The following MYCBP2 variants were observed in gnomAD, a reference collection of about 807,000 sequenced individuals.
MYCBP2 encodes E3 ubiquitin-protein ligase MYCBP2.
A neutral mutation model predicts 525.3 loss-of-function variants in MYCBP2; 120 were observed. That is an observed-to-expected ratio of 0.23 (90% CI 0.20 to 0.27). The LOEUF (loss-of-function observed/expected upper bound fraction) is 0.27, where lower values mean the gene tolerates loss of function less well. Among genes scored for constraint, MYCBP2 ranks in the 10% least tolerant of loss-of-function variants. The probability of loss-of-function intolerance (pLI) is 1.00; values close to 1 mark genes in which losing one functional copy is unlikely to be tolerated. For synonymous variants in MYCBP2, 1,894 were observed against 1,955.8 expected (o/e 0.97, Z 0.83); for missense variants, 4,149 against 5,657.1 (o/e 0.73, Z 8.55).
intron 23 of MYCBP2, among the ~76,000 whole-genome samples, chr13:77,210,763 T>C (rs142123450): frequency 2.4e-3 from 363 of 152,332 alleles, no homozygotes; most frequent in Admixed American, 5.0e-3. Context: ...ACAGGATTGA[T>C]GACAGACTAA....
chr13:77,236,167 A>T (rs1838996698), intron 17 of MYCBP2, among the ~76,000 whole-genome samples: 1 of 152,252 alleles, frequency 6.6e-6, no homozygotes. Context: ...CTAAGGAAAC[A>T]GTAAGATTCT....
At chr13:77,290,727 G>A (rs926601640) in intron 2 of MYCBP2, among the ~76,000 whole-genome samples, 1 of 152,210 alleles carries the variant, frequency 6.6e-6, no homozygotes, top group Non-Finnish European at 1.5e-5. Context: ...GAAGATACCT[G>A]TGGCTATAAA....
Position 77,140,141 on chromosome 13 carries a change from T to C in MYCBP2, c.7424A>G (p.Asp2475Gly), listed in dbSNP as rs775799293. 2.5e-6 allele frequency: 4 copies of C among 1,604,088 alleles called. No homozygotes were observed. In the South Asian group the frequency reaches 4.5e-5, roughly 18 times the overall value. The change falls in exon 51 of 83, where the codon GAC becomes GGC. Residue 2475 changes from aspartate (D) to glycine (G), a missense_variant. This residue lies in a region of MYCBP2 where 692 missense variants were observed against 852.7 expected (regional missense o/e 0.81). Coordinates refer to ENST00000544440, the MANE Select transcript of MYCBP2 (RefSeq NM_015057.5). ...PNKVRKFVAK[D>G]SAGLRIRSHP... Reference sequence around the variant, plus strand: ...GCTACGGATGCGAAGCCCCGCACTGTCCTTGGCCACAAATTTTCGAACCTG... The same window carrying C: ...GCTACGGATGCGAAGCCCCGCACTGCCCTTGGCCACAAATTTTCGAACCTG...
intron 17 of MYCBP2, 28 bp downstream of exon 17, chr13:77,243,031 G>A (rs750369925): frequency 3.2e-5 from 51 of 1,590,750 alleles, no homozygotes; most frequent in Non-Finnish European, 4.2e-5. Context: ...GGATTTTCAT[G>A]TACTTTTTCT....
intron 1 of MYCBP2, among the ~76,000 whole-genome samples, chr13:77,324,660 G>A (rs1305142071): frequency 6.6e-6 from 1 of 152,016 alleles, no homozygotes; most frequent in Non-Finnish European, 1.5e-5. Flanking sequence ...TTTCATTGAC[G>A]GCTTGTACAA....
At chr13:77,262,461 C>T (rs2073460699) in intron 10 of MYCBP2, among the ~76,000 whole-genome samples, 1 of 151,824 alleles carries the variant, frequency 6.6e-6, no homozygotes, top group Admixed American at 6.6e-5. Flanking sequence ...TATTAGGTAC[C>T]AGGCATTATA....
intron 3 of MYCBP2, among the ~76,000 whole-genome samples, chr13:77,287,326 A>G (rs528746444): frequency 1.5e-3 from 230 of 151,942 alleles, no homozygotes; most frequent in African/African-American, 5.3e-3. Context: ...CTGGGATTAT[A>G]GGCGACTGCC....
At chr13:77,123,660 C>T (rs73239488) in intron 54 of MYCBP2, among the ~76,000 whole-genome samples, 3,381 of 152,246 alleles carry the variant, frequency 0.022, 59 homozygotes, top group Middle Eastern at 0.075. Context: ...TAAAAAGTTG[C>T]ACAGCTGGGA....
At position 77,068,713 on chromosome 13, in the gene MYCBP2, G is replaced by A; in HGVS notation, c.12023C>T (p.Ser4008Phe). 6.2e-7 allele frequency: 1 copy of A among 1,614,206 alleles called. No individual in the cohort carries two copies. The highest frequency in any genetic ancestry group is 8.5e-7 in the Non-Finnish European group (1 of 1,180,036). ...ANSQPNDEDA[S>F]SDAYCFELLS... ...CAGCTCAAAGCAGTAGGCATCAGAGGAGGCATCTTCATCATTTGGCTGAGA... is the reference window on the plus strand; with the variant it reads ...CAGCTCAAAGCAGTAGGCATCAGAGAAGGCATCTTCATCATTTGGCTGAGA... Residue 4008 changes from serine (S) to phenylalanine (F), a missense_variant, in exon 70 of 83, where the codon TCC (serine) becomes TTC (phenylalanine). By Grantham distance (155) the Ser-to-Phe change is radical. Transcript: ENST00000544440.
intron 55 of MYCBP2, chr13:77,118,309 T>C (rs1202081956): frequency 1.4e-6 from 1 of 732,738 alleles, no homozygotes; most frequent in Non-Finnish European, 2.5e-6. Context: ...TCAGAAATGC[T>C]TGATGAGGCA....
In MYCBP2 at chr13:77,211,232, G is replaced by C. The variant is rs140771286; in HGVS notation, c.3351C>G (p.Asp1117Glu). 6.4e-7 allele frequency: 1 copy of C among 1,550,572 alleles called. No homozygotes were observed. Among genetic ancestry groups the C allele is most frequent in the African/African-American group, 1.4e-5 (1 of 72,284 alleles). ...ATCCTTGCAGATCCTCTTGTTCTGA[G>C]TCATTAAAAGTTTTACAACTCCCAT... Reference protein sequence around the residue: ...KVDGSCKTFNDSEQEDLQGFG... With the variant: ...KVDGSCKTFNESEQEDLQGFG... Residue 1117 changes from aspartate (D) to glutamate (E), a missense_variant, in exon 23 of 83, where the codon GAC (aspartate) becomes GAG (glutamate). Physicochemically the swap from Asp to Glu is conservative, Grantham distance 45. Transcript: ENST00000544440.
chr13:77,047,573 T>A (rs2035827623), intron 82 of MYCBP2, among the ~76,000 whole-genome samples: 1 of 151,950 alleles, frequency 6.6e-6, no homozygotes, highest in Non-Finnish European at 1.5e-5. Flanking sequence ...CAGTGCCTCA[T>A]CCCCATATAA....
At chr13:77,146,522 C>T (rs2055591415) in intron 47 of MYCBP2, among the ~76,000 whole-genome samples, 1 of 151,830 alleles carries the variant, frequency 6.6e-6, no homozygotes, top group Non-Finnish European at 1.5e-5. Context: ...AAAGCTTCCA[C>T]CTTGGAGAAG....
intron 69 of MYCBP2, among the ~76,000 whole-genome samples, chr13:77,070,097 T>G (rs2040914928): frequency 6.6e-6 from 1 of 152,166 alleles, no homozygotes; most frequent in African/African-American, 2.4e-5. Flanking sequence ...AAATCAAATC[T>G]GATATAGCTG....
At chr13:77,074,258 A>G (rs2041919781) in intron 68 of MYCBP2, among the ~76,000 whole-genome samples, 1 of 152,154 alleles carries the variant, frequency 6.6e-6, no homozygotes, top group Admixed American at 6.6e-5. Context: ...ATCGTAGTAG[A>G]ACAATTGAAC....
At chr13:77,257,870 C>CTCAGAAGGG in intron 13 of MYCBP2, 41 bp from the exon 14 acceptor site, 1 of 1,523,844 alleles carries the variant, frequency 6.6e-7, no homozygotes. Context: ...AACAAAAAGG[C>CTCAGAAGGG]CCTTCTGAGC....
chr13:77,279,926 A>G (rs9593220), intron 3 of MYCBP2, among the ~76,000 whole-genome samples: 4,594 of 152,256 alleles, frequency 0.03, 241 homozygotes, highest in African/African-American at 0.1. Flanking sequence ...GGATCTTCCA[A>G]TATACAAGGA....
chr13:77,126,001 C>T (rs1056858656), intron 53 of MYCBP2, among the ~76,000 whole-genome samples: 5 of 152,006 alleles, frequency 3.3e-5, no homozygotes, highest in South Asian at 2.1e-4. Context: ...ATCTCCATAC[C>T]GATCACATAG....
chr13:77,156,374 G>C (rs1351259314), intron 45 of MYCBP2, among the ~76,000 whole-genome samples, 172 bp from the exon 46 acceptor site: 1 of 152,066 alleles, frequency 6.6e-6, no homozygotes, highest in Non-Finnish European at 1.5e-5. Flanking sequence ...AAACTGTTAA[G>C]GACAAATTCA....
Sources: gnomAD v4.1 joint callset for allele counts (sites outside exome capture counted in the v4.1 genomes callset) on GRCh38, gnomAD v4.1.1 for gene constraint, gnomAD v4.1.1 regional missense constraint, MANE v1.5 for transcripts, NCBI Gene and HGNC (gene_info 2026-07-23, HGNC 2026-07-21) for gene names.